The following IPO4 variants were observed in gnomAD, a reference collection of about 807,000 sequenced individuals.
IPO4 encodes importin-4.
IPO4 carries 91 observed loss-of-function variants against 133.5 expected under a neutral mutation model. That is an observed-to-expected ratio of 0.68 (90% CI 0.58 to 0.81). The LOEUF is 0.81. Among genes scored for constraint, IPO4 ranks in the 30% least tolerant of loss-of-function variants. The pLI is 0.00. For missense variants in IPO4, 1,279 were observed against 1,386.2 expected, an observed-to-expected ratio of 0.92 and a Z score of 1.23; for synonymous variants, 607 against 581.6, an observed-to-expected ratio of 1.04 and a Z score of -0.63.
intron 4 of IPO4, 22 bp downstream of exon 4, chr14:24,188,194 A>G: frequency 6.2e-7 from 1 of 1,610,870 alleles, no homozygotes; most frequent in Non-Finnish European, 8.5e-7. Flanking sequence ...CAAGATCCCG[A>G]GAGAAGTGGG....
At position 24,186,860 on chromosome 14, in the gene IPO4, T is replaced by G; in HGVS notation, c.756+18A>C. On this transcript the variant is annotated intron_variant, in intron 8 of 29. Transcript: ENST00000354464. ...CCAGCAGAGCATGTAGCAGGGGCCA[T>G]GTCCACTCCAGGCTCACCTCCAGGC... 2 of 1,612,226 alleles carry G rather than the reference T, an allele frequency of 1.2e-6. No individual in the cohort carries two copies. The highest frequency in any genetic ancestry group is 1.7e-6 in the Non-Finnish European group (2 of 1,178,298).
At chr14:24,180,983 C>T (rs1408945608) in intron 28 of IPO4, among the ~76,000 whole-genome samples, 3 of 152,108 alleles carry the variant, frequency 2.0e-5, no homozygotes, top group Non-Finnish European at 4.4e-5. Context: ...TGATTAAAGT[C>T]ATAGCCTCAA....
chr14:24,181,754 G>C lies in IPO4; in HGVS notation c.2897C>G (p.Ala966Gly). The C allele has an allele frequency of 6.2e-7, 1 of 1,602,046 alleles. No individual in the cohort carries two copies. The highest frequency in any genetic ancestry group is 8.5e-7 in the Non-Finnish European group (1 of 1,172,372). ...GGTGGGACTGGCCATCAACAGGCGG[G>C]CAAGTGCCCCACAGATGTTGTCACG... ...RVRDNICGAL[A>G]RLLMASPTRK... The change falls in exon 27 of 30, where the codon GCC becomes GGC. Residue 966 changes from alanine (A) to glycine (G), a missense_variant. Ala to Gly is a moderately conservative substitution (Grantham distance 60, BLOSUM62 0). Coordinates refer to ENST00000354464, the MANE Select transcript of IPO4 (RefSeq NM_024658.4).
intron 14 of IPO4, 87 bp from the exon 15 acceptor site, chr14:24,185,067 A>C: frequency 6.3e-7 from 1 of 1,587,472 alleles, no homozygotes; most frequent in Admixed American, 1.7e-5. Flanking sequence ...TTTTTTTGGC[A>C]CCATCACACC....
Position 24,185,896 on chromosome 14 carries a change from C to T in IPO4, c.1134G>A (p.Val378=), listed in dbSNP as rs1309747041. ...QRKAGLLVLA[V]LSDGAGDHIR... ...TGTGGTCGCCAGCTCCGTCAGACAG[C>T]ACGGCCAGCACCAGGAGTCCAGCTT... is the stretch of plus-strand genomic sequence containing the variant. The change falls in exon 12 of 30, where the codon GTG becomes GTA. Residue 378 remains valine, a synonymous_variant. Coordinates refer to ENST00000354464, the MANE Select transcript of IPO4 (RefSeq NM_024658.4). 6.2e-7 allele frequency: 1 copy of T among 1,613,968 alleles called. No individual in the cohort carries two copies. Among genetic ancestry groups the T allele is most frequent in the Non-Finnish European group, 8.5e-7 (1 of 1,180,022 alleles).
Position 24,183,046 on chromosome 14 carries a change from G to T in IPO4, c.2351C>A (p.Thr784Asn). The T allele has an allele frequency of 6.2e-7, 1 of 1,613,780 alleles. No homozygotes were observed. ...ALTGVLRSCG[T>N]LTLKPPGRLA... ...GCGCCCAGGGGGCTTCAGTGTGAGG[G>T]TCCCACAGCTGCGGAGCACCCCTGT... The change falls in exon 23 of 30, where the codon ACC becomes AAC. Residue 784 changes from threonine (T) to asparagine (N), a missense_variant. This residue lies in a region of IPO4 where 575 missense variants were observed against 653.4 expected (regional missense o/e 0.88). Transcript: ENST00000354464.
chr14:24,184,100 T>C lies in IPO4; in HGVS notation c.1767A>G (p.Leu589=). 6.2e-7 allele frequency: 1 copy of C among 1,611,664 alleles called. No individual in the cohort carries two copies. The change falls in exon 18 of 30, where the codon CTA becomes CTG. Residue 589 remains leucine, a synonymous_variant. Transcript: ENST00000354464. Reference sequence around the variant, plus strand: ...CCATCAGACCCGATAAGGCTGCAAATAGGCTGTACCTGGTCAAAGCAGGCA... The same window carrying C: ...CCATCAGACCCGATAAGGCTGCAAACAGGCTGTACCTGGTCAAAGCAGGCA... The part of the protein sequence containing the change: ...DPDLRRCTYS[L]FAALSGLMGE...
At position 24,187,674 on chromosome 14, in the gene IPO4, T is replaced by C. The variant is rs1466253571; in HGVS notation, c.401A>G (p.Glu134Gly). The C allele has an allele frequency of 6.2e-7, 1 of 1,614,156 alleles. No individual in the cohort carries two copies. Among genetic ancestry groups the C allele is most frequent in the Non-Finnish European group, 8.5e-7 (1 of 1,179,976 alleles). Residue 134 changes from glutamate to glycine, a missense_variant, in exon 5 of 30, where the codon GAG (glutamate) becomes GGG (glycine). Around this residue, in one of 3 missense-constraint regions of IPO4, gnomAD observed 695 missense variants for 704.1 expected, o/e 0.99. Transcript: ENST00000354464. ...CCAACCATGTGATGGTACCTCTCTC[T>C]CTGGGCTGTGGGGGCTGTGGGTACT... ...QHSTHSPHSP[E>G]REMGLLLLSV...
At position 24,185,844 on chromosome 14, in the gene IPO4, G is replaced by T; in HGVS notation, c.1169+17C>A. ...TCCCTGTGGGCAACCCTCACCCTGG[G>T]ACAGGGGAATACATACCTCTGCCTG... On this transcript the variant is annotated intron_variant, in intron 12 of 29. Coordinates refer to ENST00000354464, the MANE Select transcript of IPO4 (RefSeq NM_024658.4). The T allele has an allele frequency of 6.3e-7, 1 of 1,595,174 alleles. No individual in the cohort carries two copies. The highest frequency in any genetic ancestry group is 1.1e-5 in the South Asian group (1 of 90,738).
chr14:24,185,899 G>A lies in IPO4; in HGVS notation c.1131C>T (p.Ala377=), dbSNP rs1274306504. 22 of 1,614,000 alleles carry A rather than the reference G, an allele frequency of 1.4e-5. No homozygotes were observed. The highest frequency in any genetic ancestry group is 2.2e-5 in the East Asian group (1 of 44,884). The part of the protein sequence containing the change: ...YQRKAGLLVL[A]VLSDGAGDHI... Reference sequence around the variant, plus strand: ...GGTCGCCAGCTCCGTCAGACAGCACGGCCAGCACCAGGAGTCCAGCTTTGC... The same window carrying A: ...GGTCGCCAGCTCCGTCAGACAGCACAGCCAGCACCAGGAGTCCAGCTTTGC... The change falls in exon 12 of 30, where the codon GCC becomes GCT. Residue 377 remains alanine (A), a synonymous_variant. Transcript: ENST00000354464.
intron 28 of IPO4, among the ~76,000 whole-genome samples, chr14:24,181,142 T>C (rs1489708767): frequency 6.6e-6 from 1 of 152,122 alleles, no homozygotes; most frequent in Non-Finnish European, 1.5e-5. Flanking sequence ...GCTGATCTGA[T>C]TGAAATGTAT....
intron 27 of IPO4, 45 bp downstream of exon 27, chr14:24,181,666 T>C (rs754029210): frequency 7.4e-6 from 12 of 1,612,506 alleles, no homozygotes; most frequent in African/African-American, 1.3e-5. Context: ...TCCACCACCC[T>C]CCCTCCTCAG....
In IPO4 at chr14:24,183,002, C is replaced by T. The variant is rs747787561; in HGVS notation, c.2395G>A (p.Val799Met). The T allele has an allele frequency of 1.9e-5, 31 of 1,613,368 alleles. No homozygotes were observed. Among genetic ancestry groups the T allele is most frequent in the East Asian group, 1.6e-4 (7 of 44,860 alleles). Residue 799 changes from valine to methionine, a missense_variant, in exon 23 of 30, where the codon GTG becomes ATG. By Grantham distance (21) the Val-to-Met change is conservative (BLOSUM62 1). Coordinates refer to ENST00000354464, the MANE Select transcript of IPO4 (RefSeq NM_024658.4). ...PPGRLAELCG[V>M]LKAVLQRKTA... ...TTCCTCTGCAGCACAGCCTTGAGCA[C>T]GCCACAGAGCTCAGCGAGGCGCCCA...
At position 24,186,692 on chromosome 14, in the gene IPO4, A is replaced by G. The variant is rs139832913; in HGVS notation, c.840+16T>C. The G allele has an allele frequency of 4.3e-6, 7 of 1,609,788 alleles. No homozygotes were observed. Among genetic ancestry groups the G allele is most frequent in the Admixed American group, 1.7e-5 (1 of 59,992 alleles). ...GATGGGGGTGGGGTGATGTGTGTCAATGGGCACTCACTTACCTTGCTCTTG... is the reference window on the plus strand; with the variant it reads ...GATGGGGGTGGGGTGATGTGTGTCAGTGGGCACTCACTTACCTTGCTCTTG... On this transcript the variant is annotated intron_variant, in intron 9 of 29. Coordinates refer to ENST00000354464, the MANE Select transcript of IPO4 (RefSeq NM_024658.4).
rs2039222181 is a variant in IPO4, at chr14:24,186,321, A to G, written c.971T>C (p.Leu324Pro). Residue 324 changes from leucine to proline, a missense_variant, in exon 10 of 30, where the codon CTG (leucine) becomes CCG (proline). By Grantham distance (98) the Leu-to-Pro change is moderately conservative (BLOSUM62 -3). Transcript: ENST00000354464. The part of the protein sequence containing the change: ...DSEEEELEIE[L>P]MGETPKHFAV... ...GAAATGCTTGGGAGTCTCCCCCATC[A>G]GCTCAATCTCCAACTCTTCCTCTTC... 1 of 1,611,340 alleles carries G rather than the reference A, an allele frequency of 6.2e-7. No individual in the cohort carries two copies. The highest frequency in any genetic ancestry group is 2.2e-5 in the East Asian group (1 of 44,824).
intron 9 of IPO4, 79 bp from the exon 10 acceptor site, chr14:24,186,530 G>A: frequency 6.7e-7 from 1 of 1,486,282 alleles, no homozygotes; most frequent in Non-Finnish European, 9.1e-7. Context: ...AGTCTTCCAG[G>A]CCATAAGGGG....
At position 24,188,248 on chromosome 14, in the gene IPO4, G is replaced by C; in HGVS notation, c.246C>G (p.Ser82=). ...LAAEQRESLK[S]LILTALQRET... The stretch of plus-strand genomic sequence containing the variant: ...CTCTCTGCAGGGCCGTCAGGATCAG[G>C]GACTTGAGGCTGGAACACAGGTGGC... Residue 82 remains serine, a synonymous_variant, in exon 4 of 30, where the codon TCC becomes TCG. Coordinates refer to ENST00000354464, the MANE Select transcript of IPO4 (RefSeq NM_024658.4). 1.2e-6 allele frequency: 2 copies of C among 1,613,728 alleles called. No individual in the cohort carries two copies. Among genetic ancestry groups the C allele is most frequent in the Non-Finnish European group, 1.7e-6 (2 of 1,179,852 alleles).
At chr14:24,186,540 G>T (rs752586068) in intron 9 of IPO4, 89 bp from the exon 10 acceptor site, 24 of 1,474,156 alleles carry the variant, frequency 1.6e-5, no homozygotes, top group Middle Eastern at 1.8e-4. Context: ...GCCATAAGGG[G>T]TCTGACAGAA....
intron 4 of IPO4, 198 bp from the exon 5 acceptor site, chr14:24,187,994 A>C: frequency 1.3e-6 from 1 of 768,236 alleles, no homozygotes; most frequent in Middle Eastern, 3.1e-4. Flanking sequence ...AGTTCAGTCT[A>C]ACTTAGCCTG....
Sources: gnomAD v4.1 joint callset for allele counts (sites outside exome capture counted in the v4.1 genomes callset) on GRCh38, gnomAD v4.1.1 for gene constraint, gnomAD v4.1.1 regional missense constraint, MANE v1.5 for transcripts, NCBI Gene and HGNC (gene_info 2026-07-23, HGNC 2026-07-21) for gene names.